Variants in SPECC1L observed in about 807,000 individuals in gnomAD.
The protein encoded by SPECC1L is sperm antigen with calponin homology and coiled-coil domains 1 like.
Under a neutral mutation model 116.8 loss-of-function variants are expected in SPECC1L, and 40 were observed. That is an observed-to-expected ratio of 0.34 (90% CI 0.27 to 0.45). The LOEUF is 0.45. SPECC1L is among the 20% of genes least tolerant of loss of function. SPECC1L has a pLI of 1.00. For missense variants in SPECC1L, 1,110 were observed against 1,373.6 expected (o/e 0.81, Z 3.03); for synonymous variants, 504 against 500.6 (o/e 1.01, Z -0.09).
intron 6 of SPECC1L, 91 bp downstream of exon 6, chr22:24,324,518 C>T (rs1448639320): frequency 2.4e-5 from 29 of 1,198,142 alleles, no homozygotes; most frequent in Non-Finnish European, 3.1e-5. Context: ...GGGCTGGGCA[C>T]GGTGGCTCAT....
At chr22:24,338,561 A>G (rs2041109118) in intron 10 of SPECC1L, 84 bp downstream of exon 10, 7 of 1,214,590 alleles carry the variant, frequency 5.8e-6, no homozygotes, top group South Asian at 3.7e-5. Flanking sequence ...TTACACCTGT[A>G]TTAGTTGGGT....
At chr22:24,349,238 G>A (rs1236574133) in intron 11 of SPECC1L, among the ~76,000 whole-genome samples, 9 of 152,116 alleles carry the variant, frequency 5.9e-5, no homozygotes, top group Non-Finnish European at 2.9e-5. Flanking sequence ...ACGGGGTTTT[G>A]CCATGTTGGC....
chr22:24,341,291 A>G (rs926329476), intron 10 of SPECC1L, among the ~76,000 whole-genome samples: 1 of 152,196 alleles, frequency 6.6e-6, no homozygotes, highest in Non-Finnish European at 1.5e-5. Flanking sequence ...CCACAAGGAT[A>G]ATTTTCCAGG....
chr22:24,413,834 C>T (rs1601377616), intron 16 of SPECC1L, among the ~76,000 whole-genome samples: 2 of 152,142 alleles, frequency 1.3e-5, no homozygotes, highest in African/African-American at 2.4e-5. Flanking sequence ...CGTGCTCAGC[C>T]ACACGTCCTG....
intron 14 of SPECC1L, among the ~76,000 whole-genome samples, chr22:24,371,080 TACCATGATAATAAAACTCC>T (rs1290849896): frequency 1.3e-5 from 2 of 152,124 alleles, no homozygotes; most frequent in African/African-American, 4.8e-5. Context: ...TATGTATATT[TACCATGATAATAAAACTCC>T]ACTGCAAAAA....
At chr22:24,390,872 C>CTTTTTTTTTTTTTTTTTTTTTTT (rs1016008966) in intron 14 of SPECC1L, among the ~76,000 whole-genome samples, 16 of 57,104 alleles carry the variant, frequency 2.8e-4, no homozygotes, top group African/African-American at 6.1e-4. Flanking sequence ...TTTTTCTTTT[C>CTTTTTTTTTTTTTTTTTTTTTTT]TTTTTTTTTT....
chr22:24,285,596 T>C (rs2049025830), intron 2 of SPECC1L, among the ~76,000 whole-genome samples: 1 of 152,156 alleles, frequency 6.6e-6, no homozygotes, highest in African/African-American at 2.4e-5. Flanking sequence ...ACGTGGTCTA[T>C]GTTAAGTGTT....
At chr22:24,279,517 T>A (rs2048901425) in intron 2 of SPECC1L, among the ~76,000 whole-genome samples, 4 of 151,898 alleles carry the variant, frequency 2.6e-5, no homozygotes, top group Admixed American at 2.6e-4. Flanking sequence ...CATGAGCCAC[T>A]GCACCTGGCC....
At chr22:24,307,691 G>A (rs1467076041) in intron 3 of SPECC1L, among the ~76,000 whole-genome samples, 1 of 151,750 alleles carries the variant, frequency 6.6e-6, no homozygotes, top group African/African-American at 2.4e-5. Flanking sequence ...AAATGAAATA[G>A]TTGCCTATAT....
rs762382337 is a variant in SPECC1L, at chr22:24,321,329, A to G, written c.349A>G (p.Lys117Glu). ...CAAGCGGAGCACTTCTACAGGTAAT[A>G]AAGAATCCAGTTCTACTAGAGAAAG... is the stretch of plus-strand genomic sequence containing the variant. The part of the protein sequence containing the change: ...STKRSTSTGN[K>E]ESSSTRERLR... The change falls in exon 5 of 17, where the codon AAA (lysine) becomes GAA (glutamate). Residue 117 changes from lysine to glutamate, a missense_variant. Lys to Glu is a moderately conservative substitution (Grantham distance 56). Coordinates refer to ENST00000314328, the MANE Select transcript of SPECC1L (RefSeq NM_015330.6). 4.3e-6 allele frequency: 7 copies of G among 1,614,244 alleles called. No homozygotes were observed.
intron 11 of SPECC1L, among the ~76,000 whole-genome samples, chr22:24,352,223 C>T (rs1292961721): frequency 6.6e-6 from 1 of 152,174 alleles, no homozygotes; most frequent in Non-Finnish European, 1.5e-5. Flanking sequence ...GCTTTATGCC[C>T]TAAGCTGAAA....
intron 1 of SPECC1L, among the ~76,000 whole-genome samples, chr22:24,274,057 C>T (rs1277524223): frequency 1.3e-5 from 2 of 152,208 alleles, no homozygotes; most frequent in Non-Finnish European, 2.9e-5. Flanking sequence ...CTCACCCAGC[C>T]CCAGGAGATT....
intron 10 of SPECC1L, chr22:24,343,530 G>A (rs1019913621): frequency 1.8e-5 from 8 of 440,184 alleles, no homozygotes; most frequent in Middle Eastern, 7.1e-4. Flanking sequence ...GCGTGACCTT[G>A]GCTCACTGCA....
intron 14 of SPECC1L, among the ~76,000 whole-genome samples, chr22:24,387,324 T>C (rs2042179664): frequency 1.3e-5 from 2 of 152,226 alleles, no homozygotes; most frequent in Non-Finnish European, 2.9e-5. Context: ...TATGATTCCA[T>C]TTAAATGAAG....
chr22:24,317,157 G>C, intron 4 of SPECC1L, among the ~76,000 whole-genome samples: 1 of 91,484 alleles, frequency 1.1e-5, no homozygotes, highest in African/African-American at 4.3e-5. Flanking sequence ...CCTCCCTCCC[G>C]GACGGGGCGG....
intron 8 of SPECC1L, among the ~76,000 whole-genome samples, chr22:24,333,168 C>T (rs992606091): frequency 1.3e-5 from 2 of 152,000 alleles, no homozygotes; most frequent in Admixed American, 6.6e-5. Context: ...GTGGAGGTTG[C>T]GGTGAGCCGA....
rs1417787204 is a variant in SPECC1L at position 24,276,804 on chromosome 22, G to A, written c.-38+1G>A. ...GCTACTTTATTCCAGAACAATCACA[G>A]TGAGACCTTTTCTCCCAATAAATGC... On this transcript the variant is annotated splice_donor_variant, in intron 2 of 16. Coordinates refer to ENST00000314328, the MANE Select transcript of SPECC1L (RefSeq NM_015330.6). LOFTEE classifies it low-confidence loss of function (5UTR_SPLICE). The A allele has an allele frequency of 2.2e-6, 1 of 452,792 alleles. No homozygotes were observed. Among genetic ancestry groups the A allele is most frequent in the Admixed American group, 2.4e-5 (1 of 42,248 alleles). 28.0% of individuals were successfully genotyped at this position (452,792 alleles called of 1,614,324 possible). A position where few individuals can be genotyped will look rare whatever the true frequency, so the allele number is the denominator to read the frequency against.
At chr22:24,318,431 G>A (rs2040649046) in intron 4 of SPECC1L, among the ~76,000 whole-genome samples, 1 of 152,212 alleles carries the variant, frequency 6.6e-6, no homozygotes, top group Non-Finnish European at 1.5e-5. Flanking sequence ...TGAGGCAGGA[G>A]AATCAGGCAG....
chr22:24,341,453 T>C (rs1204437496), intron 10 of SPECC1L, among the ~76,000 whole-genome samples: 1 of 152,248 alleles, frequency 6.6e-6, no homozygotes, highest in Non-Finnish European at 1.5e-5. Context: ...GCATTCATTA[T>C]AGACTCCTAA....
Sources: gnomAD v4.1 joint callset for allele counts (sites outside exome capture counted in the v4.1 genomes callset) on GRCh38, gnomAD v4.1.1 for gene constraint, MANE v1.5 for transcripts, NCBI Gene and HGNC (gene_info 2026-07-23, HGNC 2026-07-21) for gene names.